The following UGCG variants were observed in gnomAD, a reference collection of about 807,000 sequenced individuals.
UGCG encodes ceramide glucosyltransferase.
UGCG carries 10 observed loss-of-function variants against 49.5 expected under a neutral mutation model. The ratio of observed to expected loss-of-function variants is 0.20; its 90% CI spans 0.12 to 0.34. The LOEUF (loss-of-function observed/expected upper bound fraction) is 0.34, where lower values mean the gene tolerates loss of function less well. Ranked by LOEUF, UGCG falls within the 10% of genes least tolerant of loss-of-function variation. The pLI, the probability that UGCG is intolerant of heterozygous loss-of-function variation, is 1.00. For missense variants in UGCG, 312 were observed against 483.7 expected, an observed-to-expected ratio of 0.65 and a Z score of 3.33; for synonymous variants, 182 against 158.2, an observed-to-expected ratio of 1.15 and a Z score of -1.13.
At chr9:111,905,422 C>G (rs940191760) in intron 1 of UGCG, among the ~76,000 whole-genome samples, 2 of 151,540 alleles carry the variant, frequency 1.3e-5, no homozygotes, top group African/African-American at 4.8e-5. Context: ...CTTTCTGCTT[C>G]TTTGATCCCC....
intron 2 of UGCG, 73 bp from the exon 3 acceptor site, chr9:111,922,776 G>A: frequency 5.8e-6 from 6 of 1,035,342 alleles, no homozygotes; most frequent in Non-Finnish European, 8.2e-6. Flanking sequence ...TGTGCTTTTT[G>A]TTCAATCAAT....
rs141743486 is a variant in UGCG at position 111,906,578 on chromosome 9, C to T, written c.99-8027C>T. On this transcript the variant is annotated intron_variant, in intron 1 of 8. Coordinates refer to ENST00000374279, the MANE Select transcript of UGCG (RefSeq NM_003358.3). ...CCGACTAGCTGGGATTACAGGTGTG[C>T]GCCACCATGCCTGGCTAATTTTTGT... 1.9e-3 allele frequency among the ~76,000 whole-genome samples: 284 copies of T among 151,782 alleles called. 7 individuals are homozygous for T. In the East Asian group the frequency reaches 0.045, roughly 24 times the overall value.
intron 1 of UGCG, among the ~76,000 whole-genome samples, chr9:111,910,205 A>C (rs982620716): frequency 9.2e-5 from 14 of 152,218 alleles, no homozygotes; most frequent in Admixed American, 7.9e-4. Context: ...CCTCTAGACT[A>C]TTCAGTACAG....
intron 1 of UGCG, among the ~76,000 whole-genome samples, chr9:111,909,847 C>A (rs1000557143): frequency 6.6e-6 from 1 of 152,014 alleles, no homozygotes; most frequent in Non-Finnish European, 1.5e-5. Context: ...GGATCTCGTA[C>A]CCTAGGGGGT....
At chr9:111,903,930 TG>T (rs1837827566) in intron 1 of UGCG, among the ~76,000 whole-genome samples, 1 of 152,152 alleles carries the variant, frequency 6.6e-6, no homozygotes, top group African/African-American at 2.4e-5. Flanking sequence ...CAAGTTTGAC[TG>T]CACTATGGAG....
At chr9:111,916,661 T>C (rs1247902387) in intron 2 of UGCG, among the ~76,000 whole-genome samples, 1 of 151,652 alleles carries the variant, frequency 6.6e-6, no homozygotes, top group African/African-American at 2.4e-5. Flanking sequence ...GTAGAGGGTG[T>C]TGCCATGTTG....
At chr9:111,915,781 C>T in intron 2 of UGCG, 1 of 984,886 alleles carries the variant, frequency 1.0e-6, no homozygotes, top group Non-Finnish European at 1.2e-6. Context: ...TCGGTAGCAC[C>T]AATGAAAAGA....
At chr9:111,927,823 C>G (rs1010533989) in intron 5 of UGCG, among the ~76,000 whole-genome samples, 2 of 152,122 alleles carry the variant, frequency 1.3e-5, no homozygotes, top group African/African-American at 4.8e-5. Flanking sequence ...CCCACCACCC[C>G]CTTCTGGGCC....
At chr9:111,907,610 CTTCAA>C (rs927976898) in intron 1 of UGCG, among the ~76,000 whole-genome samples, 1 of 148,544 alleles carries the variant, frequency 6.7e-6, no homozygotes, top group African/African-American at 2.5e-5. Flanking sequence ...GACTCCAGCT[CTTCAA>C]TTCATTTTCT....
chr9:111,926,391 A>C lies in UGCG; in HGVS notation c.453A>C (p.Pro151=), dbSNP rs750562139. ...WICDSGIRVI[P]DTLTDMVNQM... ...CTTTTTTTTAAATTGTAGTAATTCC[A>C]GATACGCTTACTGACATGGTGAATC... is the stretch of plus-strand genomic sequence containing the variant. Residue 151 remains proline (P), a synonymous_variant, in exon 5 of 9, where the codon CCA becomes CCC. Coordinates refer to ENST00000374279, the MANE Select transcript of UGCG (RefSeq NM_003358.3). 6.2e-7 allele frequency: 1 copy of C among 1,605,028 alleles called. No individual in the cohort carries two copies. The highest frequency in any genetic ancestry group is 1.3e-5 in the African/African-American group (1 of 74,694).
rs1478896729 is a variant in UGCG, at chr9:111,933,162, AAAAC to A, written c.*167_*170del. 1.6e-6 allele frequency: 1 copy of A among 608,684 alleles called. No individual in the cohort carries two copies. The highest frequency in any genetic ancestry group is 1.9e-5 in the African/African-American group (1 of 52,234). 37.7% of individuals were successfully genotyped at this position (608,684 alleles called of 1,614,324 possible). A position where few individuals can be genotyped will look rare whatever the true frequency, so the allele number is the denominator to read the frequency against. On this transcript the variant is annotated 3_prime_UTR_variant, in exon 9 of 9. Transcript: ENST00000374279. ...GCACTTGCATCTGTGAAAAAAAAAA[AAAAC>A]ACATCTGTAGTCTTGGCCAAATGAT...
chr9:111,918,021 C>CT (rs1054427595), intron 2 of UGCG, among the ~76,000 whole-genome samples: 3 of 151,290 alleles, frequency 2.0e-5, no homozygotes, highest in Admixed American at 6.6e-5. Flanking sequence ...ATTTTTTTTT[C>CT]TTTTTTGCAA....
chr9:111,898,107 A>C (rs1292299347), intron 1 of UGCG, among the ~76,000 whole-genome samples: 1 of 151,342 alleles, frequency 6.6e-6, no homozygotes, highest in African/African-American at 2.4e-5. Context: ...AATCTAAATA[A>C]GGTTATGAGA....
At chr9:111,897,833 C>T (rs1302483527) in intron 1 of UGCG, among the ~76,000 whole-genome samples, 6 of 151,600 alleles carry the variant, frequency 4.0e-5, no homozygotes, top group Admixed American at 1.3e-4. Context: ...TCCACCAAAC[C>T]TCCGAGCTGG....
chr9:111,929,607 A>T lies in UGCG; in HGVS notation c.666A>T (p.Gln222His). The T allele has an allele frequency of 1.2e-6, 2 of 1,614,170 alleles. No individual in the cohort carries two copies. The highest frequency in any genetic ancestry group is 1.7e-6 in the Non-Finnish European group (2 of 1,180,026). Residue 222 changes from glutamine (Q) to histidine (H), a missense_variant, in exon 6 of 9, where the codon CAA becomes CAT. This residue lies in a region of UGCG where 180 missense variants were observed against 320.4 expected (regional missense o/e 0.56). Coordinates refer to ENST00000374279, the MANE Select transcript of UGCG (RefSeq NM_003358.3). ...SCLMRKDVLD[Q>H]AGGLIAFAQY... is the part of the protein sequence containing the mutation. ...TAATGAGAAAAGATGTGTTGGATCAAGCAGGAGGACTTATAGCTTTTGCTC... is the reference window on the plus strand; with the variant it reads ...TAATGAGAAAAGATGTGTTGGATCATGCAGGAGGACTTATAGCTTTTGCTC...
intron 1 of UGCG, among the ~76,000 whole-genome samples, chr9:111,911,266 C>T (rs1260667383): frequency 6.6e-6 from 1 of 152,116 alleles, no homozygotes; most frequent in South Asian, 2.1e-4. Context: ...CTCTAGCACT[C>T]AGTCACTGAA....
chr9:111,919,651 C>T (rs1307823402), intron 2 of UGCG, among the ~76,000 whole-genome samples: 5 of 151,424 alleles, frequency 3.3e-5, no homozygotes, highest in African/African-American at 7.3e-5. Flanking sequence ...AAAAATTAGC[C>T]GGGCGTGGTG....
chr9:111,903,463 G>A (rs1414902634), intron 1 of UGCG, among the ~76,000 whole-genome samples: 1 of 152,142 alleles, frequency 6.6e-6, no homozygotes, highest in Non-Finnish European at 1.5e-5. Flanking sequence ...TACTTGGGAG[G>A]CAGAGACAGG....
chr9:111,915,863 T>A (rs1838100712), intron 2 of UGCG: 1 of 969,352 alleles, frequency 1.0e-6, no homozygotes, highest in Non-Finnish European at 1.2e-6. Context: ...ATCATTCAGT[T>A]GTATTTTTAG....
Sources: gnomAD v4.1 joint callset for allele counts (sites outside exome capture counted in the v4.1 genomes callset) on GRCh38, gnomAD v4.1.1 for gene constraint, gnomAD v4.1.1 regional missense constraint, MANE v1.5 for transcripts, NCBI Gene and HGNC (gene_info 2026-07-23, HGNC 2026-07-21) for gene names.